TBC1D22A: variants seen among roughly 807,000 people sequenced by gnomAD.
TBC1D22A encodes TBC1 domain family member 22A, also known as putative GTPase activator.
A neutral mutation model predicts 60.2 loss-of-function variants in TBC1D22A; 38 were observed. That is an observed-to-expected ratio of 0.63 (90% CI 0.49 to 0.83). The LOEUF (loss-of-function observed/expected upper bound fraction) is 0.83. Ranked by LOEUF, TBC1D22A falls within the 40% of genes least tolerant of loss-of-function variation. TBC1D22A has a pLI of 0.00. For synonymous variants in TBC1D22A, 302 were observed against 281.7 expected (o/e 1.07, Z -0.72); for missense variants, 628 against 701.0 (o/e 0.90, Z 1.18).
At chr22:46,878,937 A>G (rs1238071080) in intron 5 of TBC1D22A, among the ~76,000 whole-genome samples, 2 of 152,238 alleles carry the variant, frequency 1.3e-5, no homozygotes, top group Admixed American at 6.5e-5. Context: ...AGAATAGGTA[A>G]TAATTATGAC....
chr22:46,830,093 G>C (rs1014805673), intron 4 of TBC1D22A, among the ~76,000 whole-genome samples: 2 of 152,226 alleles, frequency 1.3e-5, no homozygotes, highest in Admixed American at 1.3e-4. Context: ...ACATTTCCCA[G>C]TTGCTGATGG....
intron 1 of TBC1D22A, among the ~76,000 whole-genome samples, chr22:46,784,537 A>G (rs1601848540): frequency 6.6e-6 from 1 of 152,216 alleles, no homozygotes; most frequent in South Asian, 2.1e-4. Flanking sequence ...GTCTCAGTTG[A>G]ACTTTGTTGG....
intron 12 of TBC1D22A, among the ~76,000 whole-genome samples, chr22:47,137,034 AAAG>A (rs1279146099): frequency 6.6e-6 from 1 of 152,156 alleles, no homozygotes; most frequent in Non-Finnish European, 1.5e-5. Context: ...CGGCGCGGGC[AAAG>A]AAGAAAGTAA....
chr22:46,853,261 G>C (rs985823409), intron 4 of TBC1D22A, among the ~76,000 whole-genome samples: 1 of 152,172 alleles, frequency 6.6e-6, no homozygotes, highest in Non-Finnish European at 1.5e-5. Flanking sequence ...TTTCTCACCT[G>C]CTGTGGTGGG....
chr22:47,162,371 G>A (rs902029014), intron 12 of TBC1D22A, among the ~76,000 whole-genome samples: 1 of 152,224 alleles, frequency 6.6e-6, no homozygotes, highest in African/African-American at 2.4e-5. Context: ...TCAGGTCCCC[G>A]TGGCATTGAC....
intron 4 of TBC1D22A, among the ~76,000 whole-genome samples, chr22:46,847,830 T>C (rs1051883635): frequency 1.3e-5 from 2 of 152,204 alleles, no homozygotes; most frequent in Non-Finnish European, 1.5e-5. Flanking sequence ...GTTTCCATTG[T>C]AAATGGACAC....
At chr22:46,820,996 T>C (rs1182646636) in intron 4 of TBC1D22A, among the ~76,000 whole-genome samples, 1 of 152,196 alleles carries the variant, frequency 6.6e-6, no homozygotes, top group East Asian at 1.9e-4. Context: ...TCTTTGTCTT[T>C]TTTGATCTTT....
At chr22:47,105,274 G>A (rs2065592457) in intron 11 of TBC1D22A, among the ~76,000 whole-genome samples, 1 of 152,158 alleles carries the variant, frequency 6.6e-6, no homozygotes, top group Non-Finnish European at 1.5e-5. Flanking sequence ...CCTCTTTCCG[G>A]TGGTGTGGTG....
chr22:46,974,480 G>C, intron 9 of TBC1D22A, 81 bp downstream of exon 9: 1 of 1,172,228 alleles, frequency 8.5e-7, no homozygotes, highest in Admixed American at 2.0e-5. Flanking sequence ...GGCTGCTCCT[G>C]AGTCTCAGTG....
At chr22:46,900,770 A>G (rs564109188) in intron 7 of TBC1D22A, among the ~76,000 whole-genome samples, 1 of 152,310 alleles carries the variant, frequency 6.6e-6, no homozygotes, top group Admixed American at 6.5e-5. Flanking sequence ...GCCGTACCAC[A>G]GTGTGTCTGT....
At chr22:46,843,362 G>T (rs368314159) in intron 4 of TBC1D22A, among the ~76,000 whole-genome samples, 1 of 152,110 alleles carries the variant, frequency 6.6e-6, no homozygotes, top group Non-Finnish European at 1.5e-5. Flanking sequence ...ACAGCCACGG[G>T]TATACAGTGG....
intron 11 of TBC1D22A, among the ~76,000 whole-genome samples, chr22:47,096,537 G>T (rs556575536): frequency 6.8e-4 from 103 of 152,180 alleles, no homozygotes; most frequent in African/African-American, 2.4e-3. Flanking sequence ...TTTATCCTTT[G>T]TTGGCCGGGC....
At chr22:47,143,972 G>T (rs1372749644) in intron 12 of TBC1D22A, among the ~76,000 whole-genome samples, 1 of 152,212 alleles carries the variant, frequency 6.6e-6, no homozygotes, top group African/African-American at 2.4e-5. Flanking sequence ...GCTGGCCGTG[G>T]TGCCTGGCCA....
intron 4 of TBC1D22A, among the ~76,000 whole-genome samples, chr22:46,808,804 C>G (rs1031140976): frequency 6.6e-6 from 1 of 152,166 alleles, no homozygotes; most frequent in Non-Finnish European, 1.5e-5. Flanking sequence ...CCGTGTTAGC[C>G]AGGATGGTCT....
chr22:46,782,173 G>C (rs535711273), intron 1 of TBC1D22A, among the ~76,000 whole-genome samples: 4 of 152,340 alleles, frequency 2.6e-5, no homozygotes, highest in Admixed American at 2.0e-4. Context: ...TTCTGCCTCA[G>C]CCTCCTGGGT....
intron 10 of TBC1D22A, among the ~76,000 whole-genome samples, chr22:47,032,338 T>C (rs188142766): frequency 1.3e-5 from 2 of 152,282 alleles, no homozygotes; most frequent in East Asian, 3.9e-4. Flanking sequence ...CCGGACAAAG[T>C]CCCTGCCCTC....
intron 8 of TBC1D22A, among the ~76,000 whole-genome samples, chr22:46,948,387 T>G (rs1382244441): frequency 6.6e-6 from 1 of 152,168 alleles, no homozygotes; most frequent in Non-Finnish European, 1.5e-5. Context: ...TTATACAGGG[T>G]CATGCCTTTG....
At chr22:46,852,035 C>T (rs1602151952) in intron 4 of TBC1D22A, among the ~76,000 whole-genome samples, 1 of 152,184 alleles carries the variant, frequency 6.6e-6, no homozygotes, top group Admixed American at 6.5e-5. Flanking sequence ...GAAGATGCTT[C>T]GTGGGCACTG....
At chr22:46,993,142 T>C (rs1283048885) in intron 9 of TBC1D22A, among the ~76,000 whole-genome samples, 1 of 152,218 alleles carries the variant, frequency 6.6e-6, no homozygotes, top group African/African-American at 2.4e-5. Flanking sequence ...GGTGAGCTGA[T>C]AGGAATTTAT....
Sources: gnomAD v4.1 joint callset for allele counts (sites outside exome capture counted in the v4.1 genomes callset) on GRCh38, gnomAD v4.1.1 for gene constraint, MANE v1.5 for transcripts, NCBI Gene and HGNC (gene_info 2026-07-23, HGNC 2026-07-21) for gene names.